The following ALDH7A1 variants were observed in gnomAD, a reference collection of about 807,000 sequenced individuals.
ALDH7A1 encodes the protein aldehyde dehydrogenase 7 family member A1.
Under a neutral mutation model 79.9 loss-of-function variants are expected in ALDH7A1, and 63 were observed. The observed-to-expected ratio is 0.79, with a 90% CI of 0.64 to 0.97. ALDH7A1 has a LOEUF of 0.97. Among genes scored for constraint, ALDH7A1 ranks in the 50% least tolerant of loss-of-function variants. The pLI is 0.00. For synonymous variants in ALDH7A1, 240 were observed against 231.2 expected, an observed-to-expected ratio of 1.04 and a Z score of -0.34; for missense variants, 627 against 665.2, an observed-to-expected ratio of 0.94 and a Z score of 0.63.
chr5:126,551,633 C>T (rs887373268), intron 14 of ALDH7A1, among the ~76,000 whole-genome samples: 3 of 152,040 alleles, frequency 2.0e-5, no homozygotes, highest in Non-Finnish European at 4.4e-5. Flanking sequence ...AACTATAGGT[C>T]TTTGTATTAC....
intron 9 of ALDH7A1, among the ~76,000 whole-genome samples, chr5:126,564,927 A>G (rs894601632): frequency 5.3e-5 from 8 of 152,202 alleles, no homozygotes; most frequent in African/African-American, 1.9e-4. Context: ...TATAATTAAG[A>G]CAGGCAGATA....
chr5:126,572,443 T>G (rs10044223), intron 7 of ALDH7A1, among the ~76,000 whole-genome samples: 4,683 of 152,300 alleles, frequency 0.031, 120 homozygotes, highest in Middle Eastern at 0.054. Flanking sequence ...GGGTAAAGGT[T>G]AACAAACCCC....
At chr5:126,578,505 A>T (rs1375273055) in intron 5 of ALDH7A1, among the ~76,000 whole-genome samples, 3 of 151,588 alleles carry the variant, frequency 2.0e-5, no homozygotes, top group Non-Finnish European at 4.4e-5. Flanking sequence ...GTTAGGTGTG[A>T]TTGGTTATAT....
In ALDH7A1 at chr5:126,595,131, C is replaced by T; in HGVS notation, c.68G>A (p.Ser23Asn). 6.4e-7 allele frequency: 1 copy of T among 1,572,000 alleles called. No homozygotes were observed. The highest frequency in any genetic ancestry group is 1.7e-4 in the Middle Eastern group (1 of 6,022). The change falls in exon 1 of 18, where the codon AGC becomes AAC. Residue 23 changes from serine to asparagine, a missense_variant. Physicochemically the swap from Ser to Asn is conservative, Grantham distance 46 (BLOSUM62 1). Coordinates refer to ENST00000409134, the MANE Select transcript of ALDH7A1 (RefSeq NM_001182.5). ...AGTGGACATGAAGGCGGCAGGCCTG[C>T]TCCAAGGTCCAGAGAGCTTGCTGGT... ...AKTSKLSGPW[S>N]RPAAFMSTLL...
chr5:126,565,955 T>C (rs935043193), intron 9 of ALDH7A1, among the ~76,000 whole-genome samples: 2 of 152,274 alleles, frequency 1.3e-5, no homozygotes, highest in African/African-American at 4.8e-5. Flanking sequence ...TCTATCCTTA[T>C]GCTGGTGCCA....
intron 5 of ALDH7A1, chr5:126,581,557 G>T (rs13177576): frequency 0.098 from 14,963 of 152,088 alleles, 747 homozygotes; most frequent in African/African-American, 0.12. Context: ...GGGATGTTGA[G>T]GCTGCAGTGA....
At chr5:126,550,062 T>A in intron 15 of ALDH7A1, 60 bp from the exon 16 acceptor site, 1 of 1,585,876 alleles carries the variant, frequency 6.3e-7, no homozygotes, top group Non-Finnish European at 8.7e-7. Context: ...CAAACAAAAA[T>A]AAATAAAAAA....
rs763780569 is a variant in ALDH7A1, at chr5:126,583,994, C to T, written c.331G>A (p.Gly111Arg). ...IWADIPAPKR[G>R]EIVRQIGDAL... ...TCGCCAATCTGTCTTACTATTTCTCCTCGTTTTGGAGCAGGAATCTAAGAA... is the reference window on the plus strand; with the variant it reads ...TCGCCAATCTGTCTTACTATTTCTCTTCGTTTTGGAGCAGGAATCTAAGAA... Residue 111 changes from glycine (G) to arginine (R), a missense_variant, in exon 4 of 18, where the codon GGA becomes AGA. Coordinates refer to ENST00000409134, the MANE Select transcript of ALDH7A1 (RefSeq NM_001182.5). The T allele has an allele frequency of 1.2e-6, 2 of 1,614,000 alleles. No homozygotes were observed. Among genetic ancestry groups the T allele is most frequent in the African/African-American group, 2.7e-5 (2 of 74,928 alleles).
chr5:126,595,001 G>T lies in ALDH7A1; in HGVS notation c.192+6C>A. The T allele has an allele frequency of 6.3e-7, 1 of 1,592,012 alleles. No individual in the cohort carries two copies. ...GGCTGCAGAGATTTCTTGAGCGCCC[G>T]CGTACCTCTCCCCGGCCTCCCCAGC... On this transcript the variant is annotated splice_donor_region_variant and intron_variant, in intron 1 of 17. Coordinates refer to ENST00000409134, the MANE Select transcript of ALDH7A1 (RefSeq NM_001182.5).
intron 5 of ALDH7A1, among the ~76,000 whole-genome samples, chr5:126,579,231 C>T (rs1751087115): frequency 1.3e-5 from 2 of 152,226 alleles, no homozygotes; most frequent in Admixed American, 1.3e-4. Context: ...CCCAAATAAG[C>T]CAGACCCTCT....
chr5:126,582,672 C>G (rs1751216554), intron 5 of ALDH7A1, 179 bp downstream of exon 5: 3 of 763,132 alleles, frequency 3.9e-6, no homozygotes, highest in Non-Finnish European at 6.2e-6. Flanking sequence ...CAAAAAGGTT[C>G]TTGATCTAAC....
chr5:126,581,698 G>A (rs779373085), intron 5 of ALDH7A1: 18 of 156,356 alleles, frequency 1.2e-4, no homozygotes, highest in South Asian at 2.1e-4. Context: ...TACAGTTTGC[G>A]GCCGGGCACA....
At chr5:126,592,877 C>T in intron 2 of ALDH7A1, 148 bp from the exon 3 acceptor site, 2 of 822,440 alleles carry the variant, frequency 2.4e-6, no homozygotes, top group Non-Finnish European at 3.9e-6. Context: ...ACAGTCTATA[C>T]TTCCAAAAAC....
chr5:126,568,636 C>G (rs1225136026), intron 8 of ALDH7A1: 7 of 432,234 alleles, frequency 1.6e-5, no homozygotes, highest in Non-Finnish European at 3.0e-5. Flanking sequence ...GAGTGAGTGA[C>G]TGGACAATAT....
At chr5:126,583,897 C>G in intron 4 of ALDH7A1, 35 bp downstream of exon 4, 1 of 1,545,618 alleles carries the variant, frequency 6.5e-7, no homozygotes, top group Non-Finnish European at 8.9e-7. Context: ...ATTGTCCACT[C>G]AAAGAATTGT....
chr5:126,564,353 G>A, intron 9 of ALDH7A1: 1 of 363,650 alleles, frequency 2.7e-6, no homozygotes, highest in Non-Finnish European at 4.8e-6. Context: ...TCACCATGTA[G>A]CCCAGGCTGG....
At chr5:126,565,387 T>A (rs978348888) in intron 9 of ALDH7A1, among the ~76,000 whole-genome samples, 11 of 97,184 alleles carry the variant, frequency 1.1e-4, no homozygotes, top group African/African-American at 2.6e-4. Flanking sequence ...AGCGTGAGAT[T>A]CCATCTCAAA....
chr5:126,562,272 G>A (rs1750428240), intron 9 of ALDH7A1: 1 of 150,886 alleles, frequency 6.6e-6, no homozygotes, highest in African/African-American at 2.4e-5. Flanking sequence ...GCATGATCAT[G>A]GCTTACTGCA....
intron 1 of ALDH7A1, chr5:126,594,402 T>C: frequency 2.8e-6 from 1 of 357,604 alleles, no homozygotes. Context: ...GCCACATTTC[T>C]CACAAGACCA....
Sources: gnomAD v4.1 joint callset for allele counts (sites outside exome capture counted in the v4.1 genomes callset) on GRCh38, gnomAD v4.1.1 for gene constraint, MANE v1.5 for transcripts, NCBI Gene and HGNC (gene_info 2026-07-23, HGNC 2026-07-21) for gene names.